Variants in IGBP1 observed in about 807,000 individuals in gnomAD.
The protein encoded by IGBP1 is immunoglobulin-binding protein 1.
IGBP1 carries 2 observed loss-of-function variants against 25.9 expected under a neutral mutation model. The observed-to-expected ratio is 0.08, with a 90% CI of 0.03 to 0.24. IGBP1 has a LOEUF of 0.24. Among genes scored for constraint, IGBP1 ranks in the 10% least tolerant of loss-of-function variants. IGBP1 has a pLI of 1.00. For missense variants in IGBP1, 187 were observed against 260.4 expected (o/e 0.72, Z 1.94); for synonymous variants, 96 against 93.4 (o/e 1.03, Z -0.16).
chrX:70,151,952 C>T (rs1246043277), intron 6 of IGBP1, among the ~76,000 whole-genome samples: 1 of 111,432 alleles, frequency 9.0e-6, no homozygotes, highest in Non-Finnish European at 1.9e-5. Context: ...TAAAATCAGA[C>T]CTTCAAATTC....
intron 3 of IGBP1, among the ~76,000 whole-genome samples, chrX:70,135,306 T>C (rs1602658905): frequency 8.9e-6 from 1 of 112,172 alleles, no homozygotes; most frequent in Non-Finnish European, 1.9e-5. Flanking sequence ...GTTTGTTTTT[T>C]AAACAACATT....
At chrX:70,149,627 C>T (rs2147579786) in intron 5 of IGBP1, 1 of 108,485 alleles carries the variant, frequency 9.2e-6, no homozygotes, top group Non-Finnish European at 1.8e-5. Context: ...ACCCTCCAGC[C>T]TGGTCGACAG....
intron 3 of IGBP1, among the ~76,000 whole-genome samples, chrX:70,146,283 A>G (rs180723931): frequency 1.4e-3 from 152 of 111,251 alleles, no homozygotes; most frequent in Non-Finnish European, 2.3e-3. Context: ...CCAAAATGGA[A>G]GCATCACAGG....
intron 3 of IGBP1, 74 bp downstream of exon 3, chrX:70,134,890 TGGG>T: frequency 2.0e-6 from 2 of 995,766 alleles, no homozygotes; most frequent in Non-Finnish European, 2.9e-6. Context: ...TGGCGGGTGG[TGGG>T]GGGCCAGAAT....
chrX:70,142,357 T>A (rs2085135869), intron 3 of IGBP1, among the ~76,000 whole-genome samples: 1 of 110,467 alleles, frequency 9.1e-6, no homozygotes, highest in African/African-American at 3.3e-5. Flanking sequence ...AGTGATCATT[T>A]GAAAGGGTAG....
intron 6 of IGBP1, among the ~76,000 whole-genome samples, chrX:70,163,649 A>G (rs1352323157): frequency 8.9e-6 from 1 of 111,800 alleles, no homozygotes; most frequent in Non-Finnish European, 1.9e-5. Context: ...AGATATTTAC[A>G]TGCCTCCTGA....
chrX:70,138,051 G>A (rs2085107542), intron 3 of IGBP1, among the ~76,000 whole-genome samples: 2 of 110,357 alleles, frequency 1.8e-5, no homozygotes, highest in African/African-American at 6.6e-5. Context: ...CAGCAGAATC[G>A]CCTGAGCCCG....
chrX:70,152,388 T>C (rs2085208603), intron 6 of IGBP1, among the ~76,000 whole-genome samples: 1 of 111,983 alleles, frequency 8.9e-6, no homozygotes, highest in East Asian at 2.8e-4. Flanking sequence ...CAGTACTCTT[T>C]AGAGGAATGA....
At chrX:70,150,870 A>G (rs1272201556) in intron 6 of IGBP1, among the ~76,000 whole-genome samples, 2 of 111,818 alleles carry the variant, frequency 1.8e-5, no homozygotes, top group Non-Finnish European at 3.8e-5. Flanking sequence ...GAAGGGGAAG[A>G]TGAAGAGGGT....
chrX:70,150,377 A>G (rs760416839), intron 6 of IGBP1, 55 bp downstream of exon 6: 9 of 739,291 alleles, frequency 1.2e-5, no homozygotes, highest in Non-Finnish European at 1.9e-5. Context: ...CTCCCTGGCA[A>G]TTAAGTTCTT....
rs1820990457 is a variant in IGBP1, at chrX:70,166,002, A to G, written c.*21A>G. 1 of 1,206,350 alleles carries G rather than the reference A, an allele frequency of 8.3e-7. No homozygotes were observed. The highest frequency in any genetic ancestry group is 1.8e-5 in the African/African-American group (1 of 56,986). ...GCTGATCTTCCCACAACACCACAGGACTGCAGGGTGCACAACTCCCCTGCC... is the reference window on the plus strand; with the variant it reads ...GCTGATCTTCCCACAACACCACAGGGCTGCAGGGTGCACAACTCCCCTGCC... On this transcript the variant is annotated 3_prime_UTR_variant, in exon 7 of 7. Transcript: ENST00000356413.
intron 6 of IGBP1, among the ~76,000 whole-genome samples, chrX:70,161,445 C>A (rs886319237): frequency 9.0e-6 from 1 of 111,525 alleles, no homozygotes; most frequent in Non-Finnish European, 1.9e-5. Context: ...ATAGCTGATT[C>A]TAGGGCTGAG....
At chrX:70,134,254 C>T (rs924540795) in intron 2 of IGBP1, 119 bp downstream of exon 2, 2 of 651,859 alleles carry the variant, frequency 3.1e-6, no homozygotes, top group Non-Finnish European at 2.4e-6. Context: ...TTCCTACTTA[C>T]CACTGCGATC....
chrX:70,137,969 CAAA>C (rs151148886), intron 3 of IGBP1, among the ~76,000 whole-genome samples: 1 of 67,548 alleles, frequency 1.5e-5, no homozygotes, highest in Admixed American at 1.9e-4. Flanking sequence ...GCCATCTCTG[CAAA>C]AAAAAAAAAA....
intron 3 of IGBP1, among the ~76,000 whole-genome samples, chrX:70,144,806 CCTG>C (rs1173583918): frequency 3.7e-5 from 4 of 106,710 alleles, no homozygotes; most frequent in Non-Finnish European, 7.7e-5. Flanking sequence ...ATTACAGGCG[CCTG>C]CCACCACATC....
At chrX:70,164,863 A>G (rs756759702) in intron 6 of IGBP1, 1 of 112,219 alleles carries the variant, frequency 8.9e-6, no homozygotes, top group Admixed American at 9.4e-5. Context: ...GGCCGAGACC[A>G]GCCTGGGCAA....
rs6625580 is a variant in IGBP1, at chrX:70,134,006, G to A, written c.59G>A (p.Arg20Lys). The A allele has an allele frequency of 7.6e-3, 9,207 of 1,210,018 alleles. 446 individuals are homozygous for A. The African/African-American group carries it at 0.14, about 19-fold the overall frequency. The change falls in exon 2 of 7, where the codon AGA becomes AAA. Residue 20 changes from arginine (R) to lysine (K), a missense_variant. Transcript: ENST00000356413. ...PRLPELFETG[R>K]QLLDEVEVAT... ...CTCCCCGAGCTGTTCGAAACTGGTA[G>A]ACAGTTACTGGACGAAGTAGAAGTG... is the stretch of plus-strand genomic sequence containing the variant.
intron 6 of IGBP1, among the ~76,000 whole-genome samples, chrX:70,151,322 A>G (rs753534921): frequency 9.9e-5 from 11 of 110,557 alleles, no homozygotes; most frequent in Admixed American, 4.8e-4. Flanking sequence ...CTTATCTCAT[A>G]TATTATCCCA....
chrX:70,162,867 G>C (rs1271390333), intron 6 of IGBP1, among the ~76,000 whole-genome samples: 2 of 100,868 alleles, frequency 2.0e-5, no homozygotes, highest in Non-Finnish European at 3.8e-5. Flanking sequence ...CCAGCCACTC[G>C]GGAGGATGAG....
Sources: allele counts gnomAD v4.1 joint callset (sites outside exome capture counted in the v4.1 genomes callset), GRCh38; gene constraint gnomAD v4.1.1; transcripts MANE v1.5; gene names NCBI Gene and HGNC (gene_info 2026-07-23, HGNC 2026-07-21).